Variants in ANKRD53 observed in about 807,000 individuals in gnomAD.
The protein encoded by ANKRD53 is ankyrin repeat domain 53.
ANKRD53 carries 27 observed loss-of-function variants against 30.1 expected under a neutral mutation model. That is an observed-to-expected ratio of 0.90 (90% CI 0.66 to 1.24). The LOEUF (loss-of-function observed/expected upper bound fraction) is 1.24, where lower values mean the gene tolerates loss of function less well. Among genes scored for constraint, ANKRD53 ranks in the 50% most tolerant of loss-of-function variants. The pLI is 0.00. For missense variants in ANKRD53, 682 were observed against 721.0 expected (o/e 0.95, Z 0.62); for synonymous variants, 286 against 295.4 (o/e 0.97, Z 0.33).
At chr2:70,984,045 A>T in intron 5 of ANKRD53, 1 of 1,396,658 alleles carries the variant, frequency 7.2e-7, no homozygotes, top group Non-Finnish European at 1.0e-6. Flanking sequence ...TCCTCCCTAC[A>T]TGACTTCTCA....
rs755507704 is a variant in ANKRD53, at chr2:70,985,235, T to C, written c.1528T>C (p.Phe510Leu). ...MNLRDTFDEA[F>L]LAAVRSHQGL... ...CCTGCGTGACACATTCGATGAAGCC[T>C]TCCTGGCAGCTGTGCGATCTCATCA... Residue 510 changes from phenylalanine (F) to leucine (L), a missense_variant, in exon 6 of 6, where the codon TTC (phenylalanine) becomes CTC (leucine). By Grantham distance (22) the Phe-to-Leu change is conservative (BLOSUM62 0). Transcript: ENST00000360589. 209 of 1,551,208 alleles carry C rather than the reference T, an allele frequency of 1.3e-4. No individual in the cohort carries two copies. The highest frequency in any genetic ancestry group is 6.8e-5 in the Non-Finnish European group (78 of 1,147,032).
Position 70,979,333 on chromosome 2 carries a change from C to A in ANKRD53, c.407C>A (p.Thr136Asn). The change falls in exon 2 of 6, where the codon ACC (threonine) becomes AAC (asparagine). Residue 136 changes from threonine (T) to asparagine (N), a missense_variant. Coordinates refer to ENST00000360589, the MANE Select transcript of ANKRD53 (RefSeq NM_001115116.2). ...AACCAGAGCCTCAGGGAAATCCCCA[C>A]CGACGACAAGGTAAGGTCTTGAGTG... ...CLNQSLREIP[T>N]DDKGFTAIHF... 6.2e-7 allele frequency: 1 copy of A among 1,613,572 alleles called. No individual in the cohort carries two copies.
chr2:70,985,075 G>A lies in ANKRD53; in HGVS notation c.1368G>A (p.Leu456=). The A allele has an allele frequency of 6.4e-7, 1 of 1,550,462 alleles. No individual in the cohort carries two copies. The highest frequency in any genetic ancestry group is 1.2e-5 in the South Asian group (1 of 84,056). The change falls in exon 6 of 6, where the codon CTG becomes CTA. Residue 456 remains leucine (L), a synonymous_variant. Transcript: ENST00000360589. ...CGCGGCTGCCTTTTGAGGTGCTGCT[G>A]CGCATGCTGTACCCACGTGTATGGC... ...PVPRLPFEVL[L]RMLYPRVWPY...
At position 70,979,904 on chromosome 2, in the gene ANKRD53, C is replaced by T. The variant is rs187517071; in HGVS notation, c.617+44C>T. 2.3e-4 allele frequency: 363 copies of T among 1,608,826 alleles called. 4 individuals carry two copies. In the African/African-American group the frequency reaches 3.7e-3, roughly 17 times the overall value. ...AGGAGGGAGGCTTCGGGCACAGGCA[C>T]GGGCACAGCCCTACTTCCAGGCAGG... On this transcript the variant is annotated intron_variant, in intron 3 of 5. Transcript: ENST00000360589.
chr2:70,979,138 CGACTGCCCTCGCCA>C lies in ANKRD53; in HGVS notation c.214_227del (p.Thr72AlafsTer13). The C allele has an allele frequency of 6.2e-7, 1 of 1,607,916 alleles. No homozygotes were observed. The highest frequency in any genetic ancestry group is 1.7e-5 in the Admixed American group (1 of 59,884). On this transcript the variant is annotated frameshift_variant, in exon 2 of 6. Coordinates refer to ENST00000360589, the MANE Select transcript of ANKRD53 (RefSeq NM_001115116.2). LOFTEE classifies it high-confidence loss of function. ...CTCGCAGACCACCTCAGTGCGCAGG[CGACTGCCCTCGCCA>C]GGCCGCGCCGCCCTGCCTCGCTCAC...
chr2:70,979,231 ACCAGACGGCGATCGG>A lies in ANKRD53; in HGVS notation c.306_320del (p.Asp102_Gly107delinsGlu). 1 of 1,613,448 alleles carries A rather than the reference ACCAGACGGCGATCGG, an allele frequency of 6.2e-7. No homozygotes were observed. Among genetic ancestry groups the A allele is most frequent in the Middle Eastern group, 1.6e-4 (1 of 6,062 alleles). ...AAGGAGTCCGACCAGACGGCAATCG[ACCAGACGGCGATCGG>A]GAGCTACTACCAGCTGTTCGCAGCG... is the stretch of plus-strand genomic sequence containing the variant. On this transcript the variant is annotated inframe_deletion, in exon 2 of 6. Transcript: ENST00000360589.
Position 70,985,215 on chromosome 2 carries a change from G to A in ANKRD53, c.1508G>A (p.Arg503His), listed in dbSNP as rs1553424638. The A allele has an allele frequency of 3.9e-6, 6 of 1,551,534 alleles. No homozygotes were observed. The highest frequency in any genetic ancestry group is 2.4e-5 in the South Asian group (2 of 84,066). ...ACCGACACTCTGGCCATGAACCTGC[G>A]TGACACATTCGATGAAGCCTTCCTG... The part of the protein sequence containing the change: ...FWTDTLAMNL[R>H]DTFDEAFLAA... Residue 503 changes from arginine to histidine, a missense_variant, in exon 6 of 6, where the codon CGT becomes CAT. Physicochemically the swap from Arg to His is conservative, Grantham distance 29. Coordinates refer to ENST00000360589, the MANE Select transcript of ANKRD53 (RefSeq NM_001115116.2).
chr2:70,979,723 A>G lies in ANKRD53; in HGVS notation c.480A>G (p.Val160=), dbSNP rs1168501011. 6.2e-7 allele frequency: 1 copy of G among 1,614,104 alleles called. No individual in the cohort carries two copies. Among genetic ancestry groups the G allele is most frequent in the African/African-American group, 1.3e-5 (1 of 74,952 alleles). Residue 160 remains valine, a synonymous_variant, in exon 3 of 6, where the codon GTA becomes GTG. Transcript: ENST00000360589. ...AGCTTGCATGCCTGCAGGTCCTGGT[A>G]GAGGAGTACAAGTTTCCCGTGGACC... The part of the protein sequence containing the change: ...WGKLACLQVL[V]EEYKFPVDLL...
At position 70,984,379 on chromosome 2, in the gene ANKRD53, C is replaced by T. The variant is rs1167209985; in HGVS notation, c.904-232C>T. The stretch of plus-strand genomic sequence containing the variant: ...CCCTTTGGGAGAGGTGCTTTGTCTC[C>T]CCACTCAGCCCAGGGGCTCCCTTAT... On this transcript the variant is annotated intron_variant, in intron 5 of 5. Transcript: ENST00000360589. The T allele has an allele frequency of 1.9e-6, 3 of 1,577,576 alleles. No individual in the cohort carries two copies. In the Admixed American group the frequency reaches 5.9e-5, roughly 31 times the overall value.
Position 70,985,131 on chromosome 2 carries a change from A to G in ANKRD53, c.1424A>G (p.Tyr475Cys). The G allele has an allele frequency of 6.4e-7, 1 of 1,551,108 alleles. No homozygotes were observed. The highest frequency in any genetic ancestry group is 1.7e-4 in the Middle Eastern group (1 of 5,992). ...AGAATGAAGGTGCCCCAGGGCTTTT[A>G]CCCCATCAGCATGAGGGAAGTGCCC... ...PYRMKVPQGF[Y>C]PISMREVPRK... Residue 475 changes from tyrosine to cysteine, a missense_variant, in exon 6 of 6, where the codon TAC becomes TGC. Tyr to Cys is a radical substitution (Grantham distance 194). Coordinates refer to ENST00000360589, the MANE Select transcript of ANKRD53 (RefSeq NM_001115116.2).
Position 70,982,509 on chromosome 2 carries a change from A to T in ANKRD53, c.783-68A>T, listed in dbSNP as rs1670041667. ...CCCATCCAAGCCCTCAGCAGCAGCC[A>T]GTCTTCCCAGCCCAGGTGGAAGCTC... On this transcript the variant is annotated intron_variant, in intron 4 of 5. Coordinates refer to ENST00000360589, the MANE Select transcript of ANKRD53 (RefSeq NM_001115116.2). This position sits in a 1 kb window ranked among gnomAD's most constrained non-coding sequence, Gnocchi z 4.2. 1 of 1,590,332 alleles carries T rather than the reference A, an allele frequency of 6.3e-7. No individual in the cohort carries two copies.
rs144533261 is a variant in ANKRD53, at chr2:70,979,157, G to A, written c.231G>A (p.Pro77=). 540 of 1,610,604 alleles carry A rather than the reference G, an allele frequency of 3.4e-4. 5 individuals are homozygous for A. The South Asian group carries it at 5.5e-3, about 16-fold the overall frequency. ...LSAQATALAR[P]RRPASLTPPR... ...CGCAGGCGACTGCCCTCGCCAGGCC[G>A]CGCCGCCCTGCCTCGCTCACCCCGC... Residue 77 remains proline, a synonymous_variant, in exon 2 of 6, where the codon CCG becomes CCA. Transcript: ENST00000360589.
Position 70,984,742 on chromosome 2 carries a change from G to T in ANKRD53, c.1035G>T (p.Arg345=). ...ATALSKTPEQ[R]ESQRSRSFHP... is the part of the protein sequence containing the mutation. ...CCCTCTCCAAGACCCCAGAGCAACG[G>T]GAATCGCAGCGTTCCAGGAGCTTCC... The change falls in exon 6 of 6, where the codon CGG becomes CGT. Residue 345 remains arginine, a synonymous_variant. Coordinates refer to ENST00000360589, the MANE Select transcript of ANKRD53 (RefSeq NM_001115116.2). 1 of 1,600,072 alleles carries T rather than the reference G, an allele frequency of 6.2e-7. No homozygotes were observed. Among genetic ancestry groups the T allele is most frequent in the Non-Finnish European group, 8.5e-7 (1 of 1,172,782 alleles).
At chr2:70,984,378 C>T in intron 5 of ANKRD53, 1 of 1,577,996 alleles carries the variant, frequency 6.3e-7, no homozygotes, top group Admixed American at 2.0e-5. Flanking sequence ...TGCTTTGTCT[C>T]CCCACTCAGC....
rs902630741 is a variant in ANKRD53, at chr2:70,982,123, G to A, written c.782+23G>A. ...CCGGTGAGAGTGTGAGAACCACCTG[G>A]AGCCTGCCCACCCCCTTCCCCTCCC... On this transcript the variant is annotated intron_variant, in intron 4 of 5. Coordinates refer to ENST00000360589, the MANE Select transcript of ANKRD53 (RefSeq NM_001115116.2). This position sits in a 1 kb window ranked among gnomAD's most constrained non-coding sequence, Gnocchi z 4.2. The A allele has an allele frequency of 5.1e-6, 8 of 1,580,256 alleles. No individual in the cohort carries two copies. The highest frequency in any genetic ancestry group is 6.9e-6 in the Non-Finnish European group (8 of 1,160,594).
chr2:70,985,282 C>T lies in ANKRD53; in HGVS notation c.1575C>T (p.Ser525=), dbSNP rs1553424678. 3.2e-6 allele frequency: 5 copies of T among 1,550,100 alleles called. No homozygotes were observed. The highest frequency in any genetic ancestry group is 4.4e-6 in the Non-Finnish European group (5 of 1,146,840). ...ATCAAGGACTCCCCACCCTGCCCTC[C>T]CCACAAACCAACCCATAAAGTTATT... ...RSHQGLPTLP[S]PQTNP The change falls in exon 6 of 6, where the codon TCC becomes TCT. Residue 525 remains serine, a synonymous_variant. Transcript: ENST00000360589.
At chr2:70,979,892 C>A in intron 3 of ANKRD53, 32 bp downstream of exon 3, 1 of 1,613,062 alleles carries the variant, frequency 6.2e-7, no homozygotes. Flanking sequence ...AGGGAGGCTT[C>A]GGGCACAGGC....
intron 3 of ANKRD53, 89 bp from the exon 4 acceptor site, chr2:70,981,847 T>A: frequency 7.2e-7 from 1 of 1,390,274 alleles, no homozygotes; most frequent in South Asian, 1.6e-5. Context: ...AGAGCAGGGC[T>A]TGGAAACTGG....
chr2:70,983,220 T>C (rs57063955), intron 5 of ANKRD53, among the ~76,000 whole-genome samples: 7,015 of 152,180 alleles, frequency 0.046, 474 homozygotes, highest in African/African-American at 0.14. Context: ...TCAGGAGGCA[T>C]GATGCTTAAG....
Sources: allele counts gnomAD v4.1 joint callset (sites outside exome capture counted in the v4.1 genomes callset), GRCh38; gene constraint gnomAD v4.1.1; non-coding constraint Gnocchi (gnomAD v3.1); transcripts MANE v1.5; gene names NCBI Gene and HGNC (gene_info 2026-07-23, HGNC 2026-07-21).